Variants in CCDC3 observed in about 807,000 individuals in gnomAD.
The protein encoded by CCDC3 is coiled-coil domain-containing protein 3.
In CCDC3, 24 loss-of-function variants were observed where a neutral mutation model predicts 21.4. The observed-to-expected ratio is 1.12, with a 90% confidence interval of 0.81 to 1.58. CCDC3 has a LOEUF of 1.58. Ranked by LOEUF, CCDC3 falls within the 40% of genes most tolerant of loss-of-function variation. The pLI is 0.00. For missense variants in CCDC3, 425 were observed against 360.9 expected, an observed-to-expected ratio of 1.18 and a Z score of -1.44; for synonymous variants, 186 against 166.0, an observed-to-expected ratio of 1.12 and a Z score of -0.93.
chr10:13,020,418 T>A (rs1361834874), intron 5 of CCDC3, among the ~76,000 whole-genome samples: 1 of 152,238 alleles, frequency 6.6e-6, no homozygotes, highest in Non-Finnish European at 1.5e-5. Context: ...GCTATTATTC[T>A]CAGCAAACAA....
intron 5 of CCDC3, among the ~76,000 whole-genome samples, chr10:13,007,481 G>T (rs1427975981): frequency 6.6e-6 from 1 of 152,136 alleles, no homozygotes; most frequent in African/African-American, 2.4e-5. Context: ...GGTTCTGCCT[G>T]GAGTCTGCTG....
chr10:12,955,914 G>T (rs1345108865), intron 2 of CCDC3, among the ~76,000 whole-genome samples: 1 of 152,022 alleles, frequency 6.6e-6, no homozygotes, highest in Non-Finnish European at 1.5e-5. Flanking sequence ...CACCATGTTG[G>T]CAAGGCTGGC....
intron 5 of CCDC3, among the ~76,000 whole-genome samples, chr10:13,035,778 GACAAAGCA>G (rs1836370196): frequency 6.6e-6 from 1 of 152,212 alleles, no homozygotes; most frequent in Non-Finnish European, 1.5e-5. Flanking sequence ...GACTTGAATA[GACAAAGCA>G]ACAAACGAAA....
chr10:13,024,185 G>A (rs1477772411), intron 5 of CCDC3, among the ~76,000 whole-genome samples: 1 of 151,656 alleles, frequency 6.6e-6, no homozygotes, highest in African/African-American at 2.4e-5. Context: ...AAGTTTGGCG[G>A]TCTTGAGGCA....
intron 1 of CCDC3, among the ~76,000 whole-genome samples, chr10:13,000,771 G>A (rs1835835262): frequency 6.6e-6 from 1 of 152,136 alleles, no homozygotes; most frequent in African/African-American, 2.4e-5. Flanking sequence ...TTCTTGAGAA[G>A]GTGTCAAGAA....
At chr10:12,930,131 C>T (rs1277315077) in intron 2 of CCDC3, among the ~76,000 whole-genome samples, 2 of 152,222 alleles carry the variant, frequency 1.3e-5, no homozygotes, top group South Asian at 2.1e-4. Flanking sequence ...CAATGTCCTC[C>T]AGCTCATGGT....
chr10:12,945,379 A>G (rs1834899546), intron 2 of CCDC3, among the ~76,000 whole-genome samples: 1 of 152,160 alleles, frequency 6.6e-6, no homozygotes, highest in African/African-American at 2.4e-5. Context: ...GTCCTAAAAT[A>G]GAATGGCATT....
chr10:12,902,829 A>AC (rs11369051), intron 2 of CCDC3, among the ~76,000 whole-genome samples: 129,523 of 152,014 alleles, frequency 0.85, 55,696 homozygotes, highest in Middle Eastern at 0.92. Context: ...AGCAAGACTT[A>AC]GAGCCCAGAC....
Position 12,898,247 on chromosome 10 carries a change from A to G in CCDC3, c.*169T>C. The G allele has an allele frequency of 1.2e-6, 1 of 809,118 alleles. No homozygotes were observed. The highest frequency in any genetic ancestry group is 1.9e-6 in the Non-Finnish European group (1 of 527,402). 50.1% of individuals were successfully genotyped at this position (809,118 alleles called of 1,614,324 possible). A position where few individuals can be genotyped will look rare whatever the true frequency, so the allele number is the denominator to read the frequency against. ...GCGCGTGGGGTCTGACATTGAGGCC[A>G]GCACCCAAGGGGAAAGCAAGCCTTG... is the stretch of plus-strand genomic sequence containing the variant. On this transcript the variant is annotated 3_prime_UTR_variant, in exon 3 of 3. Coordinates refer to ENST00000378825, the MANE Select transcript of CCDC3 (RefSeq NM_031455.4).
chr10:13,079,943 G>A (rs927306567), intron 3 of CCDC3, among the ~76,000 whole-genome samples: 26 of 152,226 alleles, frequency 1.7e-4, no homozygotes, highest in African/African-American at 6.3e-4. Flanking sequence ...ACTCAAGAAT[G>A]CAAAGAGAAA....
intron 2 of CCDC3, among the ~76,000 whole-genome samples, chr10:12,961,246 G>T (rs3948224): frequency 0.096 from 14,601 of 152,136 alleles, 995 homozygotes; most frequent in African/African-American, 0.19. Context: ...ATGAGGATCA[G>T]AACAGTATGC....
chr10:12,954,334 A>G (rs1255977095), intron 2 of CCDC3, among the ~76,000 whole-genome samples: 3 of 152,208 alleles, frequency 2.0e-5, no homozygotes, highest in African/African-American at 7.2e-5. Context: ...AAGACATTCA[A>G]CTCAAATAGT....
chr10:12,963,772 G>A (rs1283260746), intron 2 of CCDC3, among the ~76,000 whole-genome samples: 1 of 151,788 alleles, frequency 6.6e-6, no homozygotes, highest in Non-Finnish European at 1.5e-5. Flanking sequence ...AGTAGAGATG[G>A]GGTTTCACCA....
At chr10:13,077,167 G>A (rs920956669) in intron 3 of CCDC3, among the ~76,000 whole-genome samples, 2 of 152,116 alleles carry the variant, frequency 1.3e-5, no homozygotes, top group African/African-American at 4.8e-5. Context: ...CAAAATCTCA[G>A]GATACAAAAT....
chr10:12,961,004 G>C (rs1293863735), intron 2 of CCDC3, among the ~76,000 whole-genome samples: 2 of 152,206 alleles, frequency 1.3e-5, no homozygotes, highest in Non-Finnish European at 2.9e-5. Flanking sequence ...GCAAGAGGTA[G>C]AAGAGTAGTG....
intron 5 of CCDC3, among the ~76,000 whole-genome samples, chr10:13,048,496 T>C (rs1486883242): frequency 6.6e-6 from 1 of 152,074 alleles, no homozygotes; most frequent in African/African-American, 2.4e-5. Context: ...CTGGCCAGGG[T>C]CCCAAGTTTT....
chr10:12,990,966 A>C (rs1365732077), intron 2 of CCDC3, among the ~76,000 whole-genome samples: 1 of 152,220 alleles, frequency 6.6e-6, no homozygotes, highest in Non-Finnish European at 1.5e-5. Context: ...AAGAAGAATA[A>C]AGAAACAGAG....
intron 5 of CCDC3, among the ~76,000 whole-genome samples, chr10:13,036,519 C>T (rs1030092459): frequency 2.0e-5 from 3 of 152,120 alleles, no homozygotes; most frequent in African/African-American, 7.2e-5. Context: ...GAGTCTCGCT[C>T]TGTGGTCTAG....
At chr10:12,988,500 T>C (rs570121300) in intron 2 of CCDC3, among the ~76,000 whole-genome samples, 2 of 152,256 alleles carry the variant, frequency 1.3e-5, no homozygotes, top group South Asian at 4.1e-4. Flanking sequence ...TGTGCCACTA[T>C]GCCTGGCTAA....
Sources: allele counts gnomAD v4.1 joint callset (sites outside exome capture counted in the v4.1 genomes callset), GRCh38; gene constraint gnomAD v4.1.1; transcripts MANE v1.5; gene names NCBI Gene and HGNC (gene_info 2026-07-23, HGNC 2026-07-21).